Variants in FRK observed in about 807,000 individuals in gnomAD.
FRK encodes the protein tyrosine-protein kinase FRK.
FRK carries 51 observed loss-of-function variants against 56.4 expected under a neutral mutation model. The ratio of observed to expected loss-of-function variants is 0.90; its 90% CI spans 0.72 to 1.14. The LOEUF (loss-of-function observed/expected upper bound fraction) is 1.14, where lower values mean the gene tolerates loss of function less well. Ranked by LOEUF, FRK falls within the 50% of genes most tolerant of loss-of-function variation. FRK has a pLI of 0.00. For missense variants in FRK, 570 were observed against 601.4 expected (o/e 0.95, Z 0.55); for synonymous variants, 245 against 217.9 (o/e 1.12, Z -1.10).
intron 2 of FRK, among the ~76,000 whole-genome samples, chr6:115,975,301 A>G (rs530733752): frequency 6.6e-6 from 1 of 152,262 alleles, no homozygotes; most frequent in South Asian, 2.1e-4. Context: ...CAAGTTTTCA[A>G]TCTCAACAAA....
chr6:116,085,015 T>C, the FRK span, among the ~76,000 whole-genome samples: 1 of 152,158 alleles, frequency 6.6e-6, no homozygotes, highest in African/African-American at 2.4e-5. Context: ...GTGGGAAAGA[T>C]AGAAGGGGGC....
At chr6:116,080,318 G>C in the FRK span, among the ~76,000 whole-genome samples, 2 of 152,060 alleles carry the variant, frequency 1.3e-5, no homozygotes, top group Non-Finnish European at 2.9e-5. Flanking sequence ...ACCACACCTG[G>C]CTAATTTTTG....
intron 1 of FRK, among the ~76,000 whole-genome samples, chr6:116,016,511 A>C (rs1408802930): frequency 6.6e-6 from 1 of 152,148 alleles, no homozygotes; most frequent in East Asian, 1.9e-4. Flanking sequence ...CATGACACAG[A>C]GACACACACA....
intron 1 of FRK, chr6:116,038,867 G>A: frequency 1.8e-6 from 1 of 553,146 alleles, no homozygotes; most frequent in Non-Finnish European, 3.6e-6. Context: ...GGCCAACACT[G>A]AGGTGGTTTG....
intron 1 of FRK, among the ~76,000 whole-genome samples, chr6:116,053,604 C>A (rs1777262450): frequency 6.6e-6 from 1 of 152,058 alleles, no homozygotes; most frequent in Non-Finnish European, 1.5e-5. Context: ...AGAACATTTT[C>A]TTTTCAAAGA....
At chr6:115,959,016 G>C (rs1015835592) in intron 4 of FRK, among the ~76,000 whole-genome samples, 1 of 152,148 alleles carries the variant, frequency 6.6e-6, no homozygotes, top group African/African-American at 2.4e-5. Flanking sequence ...GACTGTTTCA[G>C]AGCACTCCTT....
At position 115,934,845 on chromosome 6, in the gene FRK, A is replaced by G. The variant is rs1281024073; in HGVS notation, c.*7569T>C. Reference sequence around the variant, plus strand: ...TCTACCTAGTTATCTAATGAGACAGATAATTTGATACATGCATTGTTTAAA... The same window carrying G: ...TCTACCTAGTTATCTAATGAGACAGGTAATTTGATACATGCATTGTTTAAA... On this transcript the variant is annotated 3_prime_UTR_variant, in exon 8 of 8. Transcript: ENST00000606080. 18 of 152,186 alleles carry G rather than the reference A, an allele frequency of 1.2e-4. No individual in the cohort carries two copies. The highest frequency in any genetic ancestry group is 1.2e-3 in the Admixed American group (18 of 15,282). The allele number at this position is 152,186 out of a possible 1,614,324, so 9.4% of individuals were successfully genotyped here.
At chr6:115,985,325 C>G (rs1047547469) in intron 2 of FRK, among the ~76,000 whole-genome samples, 5 of 152,102 alleles carry the variant, frequency 3.3e-5, no homozygotes, top group African/African-American at 1.2e-4. Context: ...CTTTCAGGGA[C>G]TAAGATATAA....
intron 4 of FRK, among the ~76,000 whole-genome samples, chr6:115,962,320 G>T (rs903262261): frequency 1.3e-5 from 2 of 151,340 alleles, no homozygotes; most frequent in African/African-American, 2.4e-5. Context: ...TAATGGTAAA[G>T]GGATCAATTC....
At position 115,943,194 on chromosome 6, in the gene FRK, G is replaced by C. The variant is rs969283455; in HGVS notation, c.1141-9C>G. ...ATGTCTTCATTATCTACCTGTTCATGTATTAAGGAATCAGGCCGAGTTAAA... is the reference window on the plus strand; with the variant it reads ...ATGTCTTCATTATCTACCTGTTCATCTATTAAGGAATCAGGCCGAGTTAAA... On this transcript the variant is annotated splice_polypyrimidine_tract_variant and intron_variant, in intron 6 of 7. Transcript: ENST00000606080. 3.2e-6 allele frequency: 5 copies of C among 1,576,860 alleles called. No homozygotes were observed. Among genetic ancestry groups the C allele is most frequent in the Non-Finnish European group, 3.4e-6 (4 of 1,164,756 alleles).
the FRK span, among the ~76,000 whole-genome samples, chr6:116,092,553 G>A: frequency 1.3e-5 from 2 of 152,162 alleles, no homozygotes; most frequent in Non-Finnish European, 2.9e-5. Context: ...AGGTTTTCAA[G>A]AAAGCATCAG....
intron 1 of FRK, among the ~76,000 whole-genome samples, chr6:116,022,302 T>C (rs1775900264): frequency 6.6e-6 from 1 of 152,042 alleles, no homozygotes; most frequent in Admixed American, 6.5e-5. Flanking sequence ...AAATAAAAAA[T>C]GTTTTCCAAT....
chr6:115,968,448 G>T, intron 3 of FRK, 128 bp downstream of exon 3: 2 of 939,358 alleles, frequency 2.1e-6, no homozygotes, highest in Non-Finnish European at 3.2e-6. Context: ...GCCATGGTTT[G>T]CCTATACCCG....
chr6:116,002,956 T>C (rs1775119951), intron 2 of FRK, among the ~76,000 whole-genome samples: 1 of 152,210 alleles, frequency 6.6e-6, no homozygotes, highest in Non-Finnish European at 1.5e-5. Flanking sequence ...AATTATGGCC[T>C]GCTTTCATGC....
chr6:115,959,948 T>C (rs1266545509), intron 4 of FRK, among the ~76,000 whole-genome samples: 2 of 150,664 alleles, frequency 1.3e-5, no homozygotes, highest in Non-Finnish European at 3.0e-5. Context: ...TTTTTCATGA[T>C]GTCTCTAAGT....
At chr6:116,012,347 A>T (rs1775504551) in intron 1 of FRK, among the ~76,000 whole-genome samples, 1 of 152,150 alleles carries the variant, frequency 6.6e-6, no homozygotes. Context: ...TATCCTCCCT[A>T]TATCAGCCCT....
At chr6:116,035,661 T>C (rs1377616959) in intron 1 of FRK, among the ~76,000 whole-genome samples, 3 of 152,164 alleles carry the variant, frequency 2.0e-5, no homozygotes, top group Non-Finnish European at 4.4e-5. Context: ...TCATACGCTG[T>C]ATGTAGCTAT....
intron 1 of FRK, among the ~76,000 whole-genome samples, chr6:116,051,391 T>G (rs770983076): frequency 6.6e-6 from 1 of 152,012 alleles, no homozygotes; most frequent in African/African-American, 2.4e-5. Context: ...AATTGGTAAA[T>G]AGAAAAATAT....
At chr6:116,017,125 GT>G (rs1335432826) in intron 1 of FRK, among the ~76,000 whole-genome samples, 2 of 152,110 alleles carry the variant, frequency 1.3e-5, no homozygotes, top group Non-Finnish European at 2.9e-5. Flanking sequence ...CCTCAGAACT[GT>G]TGTGGAAAAA....
Sources: gnomAD v4.1 joint callset for allele counts (sites outside exome capture counted in the v4.1 genomes callset) on GRCh38, gnomAD v4.1.1 for gene constraint, MANE v1.5 for transcripts, NCBI Gene and HGNC (gene_info 2026-07-23, HGNC 2026-07-21) for gene names.